The following ZAP70 variants were observed in gnomAD, a reference collection of about 807,000 sequenced individuals.
ZAP70 encodes tyrosine-protein kinase ZAP-70.
A neutral mutation model predicts 65.8 loss-of-function variants in ZAP70; 27 were observed. The ratio of observed to expected loss-of-function variants is 0.41; its 90% CI spans 0.30 to 0.57. The LOEUF is 0.57. Among genes scored for constraint, ZAP70 ranks in the 20% least tolerant of loss-of-function variants. The probability of loss-of-function intolerance (pLI) is 0.28; values close to 1 mark genes in which losing one functional copy is unlikely to be tolerated. For synonymous variants in ZAP70, 363 were observed against 360.8 expected (o/e 1.01, Z -0.07); for missense variants, 696 against 870.5 (o/e 0.80, Z 2.52).
At chr2:97,740,641 G>A, downstream of ZAP70, among the ~76,000 whole-genome samples, 1 of 152,122 alleles carries the variant, frequency 6.6e-6, no homozygotes, top group East Asian at 1.9e-4. Flanking sequence ...AGAGATGTCC[G>A]CTGAGGAACC....
chr2:97,744,011 TG>T (rs1678189219), downstream of ZAP70, among the ~76,000 whole-genome samples: 1 of 152,218 alleles, frequency 6.6e-6, no homozygotes, highest in Admixed American at 6.5e-5. Context: ...GTTTGAAGAA[TG>T]GTTTCTATGT....
chr2:97,747,315 G>A, the ZAP70 span, among the ~76,000 whole-genome samples: 4 of 152,308 alleles, frequency 2.6e-5, no homozygotes, highest in East Asian at 7.7e-4. Context: ...GAAGTAACTC[G>A]AATGTCCATC....
the ZAP70 span, among the ~76,000 whole-genome samples, chr2:97,747,212 TACTC>T: frequency 2.6e-5 from 4 of 152,222 alleles, no homozygotes; most frequent in Non-Finnish European, 5.9e-5. Context: ...TCCTGGGTAA[TACTC>T]AAGAGAATGG....
Position 97,724,118 on chromosome 2 carries a change from G to A in ZAP70, c.82G>A (p.Gly28Ser). The A allele has an allele frequency of 6.4e-7, 1 of 1,568,602 alleles. No individual in the cohort carries two copies. Among genetic ancestry groups the A allele is most frequent in the South Asian group, 1.2e-5 (1 of 86,676 alleles). The part of the protein sequence containing the change: ...AEAEEHLKLA[G>S]MADGLFLLRQ... ...GGCCGAGGAGCACCTGAAGCTGGCG[G>A]GCATGGCGGACGGGCTCTTCCTGCT... The change falls in exon 3 of 14, where the codon GGC (glycine) becomes AGC (serine). Residue 28 changes from glycine to serine, a missense_variant. Transcript: ENST00000264972.
intron 2 of ZAP70, among the ~76,000 whole-genome samples, chr2:97,720,985 A>G (rs1677132215): frequency 6.6e-6 from 1 of 152,064 alleles, no homozygotes; most frequent in African/African-American, 2.4e-5. Flanking sequence ...TTGCATTTGC[A>G]TAACTAAGAA....
In ZAP70 at chr2:97,734,732, G is replaced by A. The variant is rs771668086; in HGVS notation, c.1082+20G>A. ...GCGCAAGTATGGCCGCCCCTGCCGT[G>A]GTGGGAGCACCGCCGCCTGGGGCAG... On this transcript the variant is annotated intron_variant, in intron 9 of 13. Transcript: ENST00000264972. The A allele has an allele frequency of 6.2e-7, 1 of 1,612,506 alleles. No individual in the cohort carries two copies. Among genetic ancestry groups the A allele is most frequent in the Non-Finnish European group, 8.5e-7 (1 of 1,179,784 alleles).
downstream of ZAP70, among the ~76,000 whole-genome samples, chr2:97,742,799 G>A (rs1458601986): frequency 1.3e-5 from 2 of 152,180 alleles, no homozygotes; most frequent in Non-Finnish European, 2.9e-5. Context: ...TACAGTTGAG[G>A]AAACCAAGGC....
intron 2 of ZAP70, among the ~76,000 whole-genome samples, chr2:97,722,428 G>A (rs556138417): frequency 2.2e-4 from 33 of 152,346 alleles, no homozygotes; most frequent in African/African-American, 7.9e-4. Context: ...TTCAGTGGTT[G>A]ACATGGCCCC....
At chr2:97,733,643 A>G (rs780571160) in intron 8 of ZAP70, 48 bp downstream of exon 8, 1 of 1,606,552 alleles carries the variant, frequency 6.2e-7, no homozygotes, top group Non-Finnish European at 8.5e-7. Context: ...TGCTGAGCCG[A>G]GATCAGGGTC....
intron 8 of ZAP70, chr2:97,734,094 C>T: frequency 7.0e-6 from 2 of 287,084 alleles, no homozygotes; most frequent in Non-Finnish European, 1.3e-5. Flanking sequence ...GGGCCCAGAC[C>T]TGAACATGTG....
chr2:97,750,057 TGAGG>T, the ZAP70 span, among the ~76,000 whole-genome samples: 1 of 152,214 alleles, frequency 6.6e-6, no homozygotes, highest in East Asian at 1.9e-4. Flanking sequence ...ACCATCCTCC[TGAGG>T]ATGTTTGTTT....
At chr2:97,741,465 C>A (rs1277779545), downstream of ZAP70, among the ~76,000 whole-genome samples, 1 of 151,810 alleles carries the variant, frequency 6.6e-6, no homozygotes, top group African/African-American at 2.4e-5. Flanking sequence ...GAAAGCTCCC[C>A]GTCCCCTCCC....
chr2:97,724,943 G>T, intron 3 of ZAP70, 149 bp from the exon 4 acceptor site: 1 of 1,534,320 alleles, frequency 6.5e-7, no homozygotes. Flanking sequence ...CACGGAGATG[G>T]CGCGGAGGTA....
chr2:97,748,241 C>T, the ZAP70 span, among the ~76,000 whole-genome samples: 31 of 152,162 alleles, frequency 2.0e-4, no homozygotes, highest in Non-Finnish European at 4.0e-4. Context: ...TGGGGCTAAA[C>T]CCAGAATGGT....
In ZAP70 at chr2:97,739,791, T is replaced by C. The variant is rs1678074387; in HGVS notation, c.*293T>C. On this transcript the variant is annotated 3_prime_UTR_variant, in exon 14 of 14. Transcript: ENST00000264972. ...TACACGGATGCCTTCCCCTGGGCCC[T>C]GACATTGGAGCCTGGGCATCCTCAG... 1 of 461,136 alleles carries C rather than the reference T, an allele frequency of 2.2e-6. No individual in the cohort carries two copies. The highest frequency in any genetic ancestry group is 3.7e-5 in the Admixed American group (1 of 27,234). The allele number at this position is 461,136 out of a possible 1,614,324, so 28.6% of individuals were successfully genotyped here.
chr2:97,756,355 T>A, the ZAP70 span: 6 of 152,248 alleles, frequency 3.9e-5, no homozygotes, highest in African/African-American at 1.4e-4. Flanking sequence ...AAGCATCATT[T>A]ATTTCAAAGT....
In ZAP70 at chr2:97,737,603, T is replaced by C; in HGVS notation, c.1420T>C (p.Tyr474His). The change falls in exon 11 of 14, where the codon TAC becomes CAC. Residue 474 changes from tyrosine to histidine, a missense_variant. Physicochemically the swap from Tyr to His is moderately conservative, Grantham distance 83. Coordinates refer to ENST00000264972, the MANE Select transcript of ZAP70 (RefSeq NM_001079.4). The surrounding 1 kb of genome is among the most constrained non-coding windows in gnomAD (Gnocchi z 5.0). ...ARNVLLVNRH[Y>H]AKISDFGLSK... ...CAACGTCCTGCTGGTTAACCGGCAC[T>C]ACGCCAAGATCAGCGACTTTGGCCT... 6.2e-7 allele frequency: 1 copy of C among 1,614,106 alleles called. No individual in the cohort carries two copies. Among genetic ancestry groups the C allele is most frequent in the Non-Finnish European group, 8.5e-7 (1 of 1,179,982 alleles).
chr2:97,719,644 T>C (rs1470546987), intron 2 of ZAP70, among the ~76,000 whole-genome samples: 1 of 152,086 alleles, frequency 6.6e-6, no homozygotes, highest in Non-Finnish European at 1.5e-5. Flanking sequence ...ACTTTTCCTA[T>C]TTTCATTAGC....
Position 97,731,687 on chromosome 2 carries a change from C to CT in ZAP70, c.564-1194dup, listed in dbSNP as rs1452229820. On this transcript the variant is annotated intron_variant, in intron 4 of 13. Transcript: ENST00000264972. This position sits in a 1 kb window ranked among gnomAD's most constrained non-coding sequence, Gnocchi z 4.0. ...TATTGCAAGGTGGGCCCATGGCTGCCTTGCTCACTGCCATATCCCTGCGCT... is the reference window on the plus strand; with the variant it reads ...TATTGCAAGGTGGGCCCATGGCTGCCTTTGCTCACTGCCATATCCCTGCGCT... Among the ~76,000 whole-genome samples, 53 of 152,342 alleles carry CT rather than the reference C, an allele frequency of 3.5e-4. No individual in the cohort carries two copies. Among genetic ancestry groups the CT allele is most frequent in the African/African-American group, 9.9e-4 (41 of 41,574 alleles).
Sources: allele counts gnomAD v4.1 joint callset (sites outside exome capture counted in the v4.1 genomes callset), GRCh38; gene constraint gnomAD v4.1.1; non-coding constraint Gnocchi (gnomAD v3.1); transcripts MANE v1.5; gene names NCBI Gene and HGNC (gene_info 2026-07-23, HGNC 2026-07-21).